PNPT1: variants seen among roughly 807,000 people sequenced by gnomAD.
PNPT1 encodes the protein polyribonucleotide nucleotidyltransferase 1, also known as polyribonucleotide nucleotidyltransferase 1, mitochondrial.
Under a neutral mutation model 119.5 loss-of-function variants are expected in PNPT1, and 53 were observed. The ratio of observed to expected loss-of-function variants is 0.44; its 90% CI spans 0.36 to 0.56. The LOEUF (loss-of-function observed/expected upper bound fraction) is 0.56. Among genes scored for constraint, PNPT1 ranks in the 20% least tolerant of loss-of-function variants. PNPT1 has a pLI of 0.00. For synonymous variants in PNPT1, 357 were observed against 322.1 expected (o/e 1.11, Z -1.16); for missense variants, 948 against 938.5 (o/e 1.01, Z -0.13).
chr2:55,641,612 T>G, intron 25 of PNPT1, among the ~76,000 whole-genome samples: 1 of 152,166 alleles, frequency 6.6e-6, no homozygotes, highest in East Asian at 1.9e-4. Context: ...CTTATTTCAT[T>G]AAAAAACTAA....
rs1172004107 is a variant in PNPT1, at chr2:55,645,357, G to A, written c.1814C>T (p.Pro605Leu). 2 of 1,605,836 alleles carry A rather than the reference G, an allele frequency of 1.2e-6. No homozygotes were observed. Among genetic ancestry groups the A allele is most frequent in the Non-Finnish European group, 1.7e-6 (2 of 1,172,970 alleles). Residue 605 changes from proline to leucine, a missense_variant, in exon 22 of 28, where the codon CCT becomes CTT. Transcript: ENST00000447944. Reference protein sequence around the residue: ...KPRASRKENGPVVETVQVPLS... With the variant: ...KPRASRKENGLVVETVQVPLS... ...AAATTTTAATGTATTACCTACAACA[G>A]GTCCATTTTCTTTTCTAGATGCTCG...
In PNPT1 at chr2:55,667,030, G is replaced by A; in HGVS notation, c.1137C>T (p.Thr379=). Residue 379 remains threonine (T), a synonymous_variant, in exon 13 of 28, where the codon ACC becomes ACT. Coordinates refer to ENST00000447944, the MANE Select transcript of PNPT1 (RefSeq NM_033109.5). The stretch of plus-strand genomic sequence containing the variant: ...TTTGAAATAATGCTGATCCATGAAG[G>A]GTTTTAAACATATCTACCTCACAAC... The part of the protein sequence containing the change: ...NVSCEVDMFK[T]LHGSALFQRG... 1 of 1,605,680 alleles carries A rather than the reference G, an allele frequency of 6.2e-7. No individual in the cohort carries two copies. The highest frequency in any genetic ancestry group is 2.2e-5 in the East Asian group (1 of 44,612).
chr2:55,647,519 TC>T lies in PNPT1; in HGVS notation c.1496-67del. On this transcript the variant is annotated intron_variant, in intron 18 of 27. Transcript: ENST00000447944. ...TGAGCCTAAAACAAATATTTATCTA[TC>T]AATTTTTTTTTTTTTTTGAGAGGGA... 25 of 1,229,490 alleles carry T rather than the reference TC, an allele frequency of 2.0e-5. No individual in the cohort carries two copies. The East Asian group carries it at 3.7e-4, about 18-fold the overall frequency. 76.2% of individuals were successfully genotyped at this position (1,229,490 alleles called of 1,614,324 possible).
In PNPT1 at chr2:55,640,681, T is replaced by C; in HGVS notation, c.2094A>G (p.Leu698=). The change falls in exon 26 of 28, where the codon TTA becomes TTG. Residue 698 remains leucine (L), a synonymous_variant. Coordinates refer to ENST00000447944, the MANE Select transcript of PNPT1 (RefSeq NM_033109.5). ...EIRDTGVMVK[L]YPNMTAVLLH... ...GCAGTACCGCAGTCATATTTGGATA[T>C]AATTTTACCATTACACCAGTATCTC... The C allele has an allele frequency of 6.3e-7, 1 of 1,589,808 alleles. No homozygotes were observed. Among genetic ancestry groups the C allele is most frequent in the Non-Finnish European group, 8.6e-7 (1 of 1,159,394 alleles).
chr2:55,636,207 G>T lies in PNPT1; in HGVS notation c.*30C>A. 1 of 1,546,310 alleles carries T rather than the reference G, an allele frequency of 6.5e-7. No individual in the cohort carries two copies. Among genetic ancestry groups the T allele is most frequent in the South Asian group, 1.1e-5 (1 of 87,746 alleles). ...ACAGCACATCACCCTAGACAAAATA[G>T]AATTCTAGAATTCTCTTTAAAAAAA... On this transcript the variant is annotated 3_prime_UTR_variant, in exon 28 of 28. Coordinates refer to ENST00000447944, the MANE Select transcript of PNPT1 (RefSeq NM_033109.5).
intron 18 of PNPT1, among the ~76,000 whole-genome samples, chr2:55,648,705 G>T (rs990382668): frequency 6.6e-6 from 1 of 151,996 alleles, no homozygotes; most frequent in African/African-American, 2.4e-5. Flanking sequence ...AATATGGACA[G>T]AGCTTTATTA....
At chr2:55,645,478 G>T in intron 21 of PNPT1, 46 bp from the exon 22 acceptor site, 1 of 1,249,936 alleles carries the variant, frequency 8.0e-7, no homozygotes, top group South Asian at 1.2e-5. Context: ...AAACAAATAT[G>T]ATCTGAAATA....
Position 55,640,037 on chromosome 2 carries a change from C to A in PNPT1, c.2148+590G>T, listed in dbSNP as rs547259365. On this transcript the variant is annotated intron_variant, in intron 26 of 27. Coordinates refer to ENST00000447944, the MANE Select transcript of PNPT1 (RefSeq NM_033109.5). ...TACAACTTCTAGCGTATATTATAAT[C>A]CCATGTATATTATTTCTAGTTTTTG... 6.6e-5 allele frequency among the ~76,000 whole-genome samples: 10 copies of A among 152,196 alleles called. No individual in the cohort carries two copies. In the South Asian group the frequency reaches 1.9e-3, roughly 28 times the overall value.
At chr2:55,681,785 A>C (rs2104161202) in intron 5 of PNPT1, among the ~76,000 whole-genome samples, 1 of 147,576 alleles carries the variant, frequency 6.8e-6, no homozygotes, top group African/African-American at 2.5e-5. Flanking sequence ...CAGAGGTTTC[A>C]GTGAGCTGAG....
intron 5 of PNPT1, among the ~76,000 whole-genome samples, chr2:55,682,481 T>A (rs537910067): frequency 1.2e-4 from 18 of 152,108 alleles, no homozygotes; most frequent in African/African-American, 3.4e-4. Context: ...AATTTCTGTT[T>A]ATAAGCATAG....
chr2:55,665,173 G>T (rs183550779), intron 13 of PNPT1, among the ~76,000 whole-genome samples: 9 of 152,256 alleles, frequency 5.9e-5, no homozygotes, highest in Admixed American at 5.9e-4. Context: ...ACTATCATAT[G>T]GTGACATCAC....
At chr2:55,655,557 T>C (rs1479573319) in intron 17 of PNPT1, among the ~76,000 whole-genome samples, 1 of 152,244 alleles carries the variant, frequency 6.6e-6, no homozygotes, top group Non-Finnish European at 1.5e-5. Flanking sequence ...CCCATTAATT[T>C]AGTCACACCC....
chr2:55,672,927 T>A lies in PNPT1; in HGVS notation c.832A>T (p.Thr278Ser). 6.2e-7 allele frequency: 1 copy of A among 1,609,222 alleles called. No homozygotes were observed. Among genetic ancestry groups the A allele is most frequent in the Non-Finnish European group, 8.5e-7 (1 of 1,178,826 alleles). ...TATTTCACAATCTCTGGCGAAGGGG[T>A]AAATAACTTCTGAGGTGTCCTCTTG... Reference protein sequence around the residue: ...VTKRTPQKLFTPSPEIVKYTH... With the variant: ...VTKRTPQKLFSPSPEIVKYTH... The change falls in exon 9 of 28, where the codon ACC (threonine) becomes TCC (serine). Residue 278 changes from threonine (T) to serine (S), a missense_variant. By Grantham distance (58) the Thr-to-Ser change is moderately conservative. Transcript: ENST00000447944.
chr2:55,662,219 T>C (rs546070668), intron 13 of PNPT1, among the ~76,000 whole-genome samples, 193 bp from the exon 14 acceptor site: 1 of 152,268 alleles, frequency 6.6e-6, no homozygotes, highest in East Asian at 1.9e-4. Flanking sequence ...ACCTCAATAA[T>C]CCAAAGTTCT....
chr2:55,636,178 C>T lies in PNPT1; in HGVS notation c.*59G>A, dbSNP rs746013344. On this transcript the variant is annotated 3_prime_UTR_variant, in exon 28 of 28. Transcript: ENST00000447944. ...AATGGAAGATACTACTAAAATGTTG[C>T]TCTACAGCACATCACCCTAGACAAA... 8 of 1,323,304 alleles carry T rather than the reference C, an allele frequency of 6.0e-6. No individual in the cohort carries two copies. Among genetic ancestry groups the T allele is most frequent in the Non-Finnish European group, 8.3e-6 (8 of 958,376 alleles). The allele number at this position is 1,323,304 out of a possible 1,614,324, so 82.0% of individuals were successfully genotyped here. A position where few individuals can be genotyped will look rare whatever the true frequency, so the allele number is the denominator to read the frequency against.
rs1695626166 is a variant in PNPT1, at chr2:55,635,109, A to C, written c.*1128T>G. 1 of 152,112 alleles carries C rather than the reference A, an allele frequency of 6.6e-6. No individual in the cohort carries two copies. The highest frequency in any genetic ancestry group is 1.5e-5 in the Non-Finnish European group (1 of 68,036). The allele number at this position is 152,112 out of a possible 1,614,324, so 9.4% of individuals were successfully genotyped here. ...ACATTCTAAATTATGACGTCCACAT[A>C]CCATTTACTTTTCTGTGGAATTATA... is the stretch of plus-strand genomic sequence containing the variant. On this transcript the variant is annotated 3_prime_UTR_variant, in exon 28 of 28. Transcript: ENST00000447944.
rs778207996 is a variant in PNPT1, at chr2:55,660,169, C to A, written c.1272G>T (p.Met424Ile). Residue 424 changes from methionine (M) to isoleucine (I), a missense_variant, in exon 15 of 28, where the codon ATG becomes ATT. Met to Ile is a conservative substitution (Grantham distance 10). Transcript: ENST00000447944. ...AAATTCACCTTACCTCGTAGTGCAGCATGAAATTTTTATCTTTTATCCCAC... is the reference window on the plus strand; with the variant it reads ...AAATTCACCTTACCTCGTAGTGCAGAATGAAATTTTTATCTTTTATCCCAC... ...AINGIKDKNF[M>I]LHYEFPPYAT... The A allele has an allele frequency of 3.1e-6, 5 of 1,590,286 alleles. No homozygotes were observed. Among genetic ancestry groups the A allele is most frequent in the Non-Finnish European group, 4.3e-6 (5 of 1,168,960 alleles).
chr2:55,641,841 A>G (rs1188354099), intron 25 of PNPT1, among the ~76,000 whole-genome samples: 1 of 149,406 alleles, frequency 6.7e-6, no homozygotes, highest in Admixed American at 6.8e-5. Flanking sequence ...TGAGACTGAA[A>G]TTGGCTTTTT....
At position 55,686,326 on chromosome 2, in the gene PNPT1, T is replaced by C. The variant is rs775062660; in HGVS notation, c.297+44A>G. ...CAAAAATATTATACATTCTACACTT[T>C]ACTCAGACCATATTACAGTTCAGAT... On this transcript the variant is annotated intron_variant, in intron 3 of 27. Coordinates refer to ENST00000447944, the MANE Select transcript of PNPT1 (RefSeq NM_033109.5). 8 of 1,532,528 alleles carry C rather than the reference T, an allele frequency of 5.2e-6. No homozygotes were observed. In the Admixed American group the frequency reaches 1.4e-4, roughly 26 times the overall value. The allele number at this position is 1,532,528 out of a possible 1,614,324, so 94.9% of individuals were successfully genotyped here.
Sources: allele counts gnomAD v4.1 joint callset (sites outside exome capture counted in the v4.1 genomes callset), GRCh38; gene constraint gnomAD v4.1.1; transcripts MANE v1.5; gene names NCBI Gene and HGNC (gene_info 2026-07-23, HGNC 2026-07-21).